Variants in MSI2 observed in about 807,000 individuals in gnomAD.
MSI2 encodes musashi RNA binding protein 2, also known as RNA-binding protein Musashi homolog 2.
In MSI2, 17 loss-of-function variants were observed where a neutral mutation model predicts 45.6. The observed-to-expected ratio is 0.37, with a 90% CI of 0.26 to 0.56. The LOEUF (loss-of-function observed/expected upper bound fraction) is 0.56. MSI2 is among the 20% of genes least tolerant of loss of function. The probability of loss-of-function intolerance (pLI) is 0.77; values close to 1 mark genes in which losing one functional copy is unlikely to be tolerated. For missense variants in MSI2, 293 were observed against 444.2 expected (o/e 0.66, Z 3.06); for synonymous variants, 156 against 158.2 (o/e 0.99, Z 0.11).
chr17:57,309,675 A>G (rs1010133251), intron 5 of MSI2, among the ~76,000 whole-genome samples: 3 of 152,210 alleles, frequency 2.0e-5, no homozygotes, highest in African/African-American at 7.2e-5. Flanking sequence ...TTCTCAGGAA[A>G]GCAGGTGTTA....
chr17:57,562,820 G>A (rs983811930), intron 7 of MSI2, among the ~76,000 whole-genome samples: 8 of 151,914 alleles, frequency 5.3e-5, no homozygotes, highest in African/African-American at 7.3e-5. Flanking sequence ...CGTACAGGCC[G>A]GGTGCGATGG....
At chr17:57,381,155 C>T (rs2083591250) in intron 5 of MSI2, among the ~76,000 whole-genome samples, 2 of 152,078 alleles carry the variant, frequency 1.3e-5, no homozygotes, top group Non-Finnish European at 2.9e-5. Flanking sequence ...GCAGCCTCAA[C>T]CTCCTGAACT....
intron 5 of MSI2, among the ~76,000 whole-genome samples, chr17:57,342,482 G>A (rs531009091): frequency 6.6e-5 from 10 of 152,308 alleles, no homozygotes; most frequent in African/African-American, 1.7e-4. Context: ...GTGTTTTAGC[G>A]AAGACATGAA....
intron 9 of MSI2, among the ~76,000 whole-genome samples, chr17:57,623,005 T>C (rs1174180380): frequency 1.3e-5 from 2 of 152,188 alleles, no homozygotes; most frequent in Non-Finnish European, 2.9e-5. Context: ...GAGTTGTGGC[T>C]TTTGCGAATG....
At chr17:57,653,262 C>T (rs1042738989) in intron 11 of MSI2, among the ~76,000 whole-genome samples, 8 of 152,156 alleles carry the variant, frequency 5.3e-5, no homozygotes, top group Non-Finnish European at 7.3e-5. Context: ...GGCACTGCCT[C>T]GAGCTACAAA....
chr17:57,523,714 A>G (rs1229267675), intron 6 of MSI2: 1 of 152,216 alleles, frequency 6.6e-6, no homozygotes, highest in East Asian at 1.9e-4. Flanking sequence ...TCCATGTGGA[A>G]TGTTCCATGA....
At chr17:57,422,998 G>A (rs376509957) in intron 6 of MSI2, among the ~76,000 whole-genome samples, 3 of 152,210 alleles carry the variant, frequency 2.0e-5, no homozygotes, top group Admixed American at 6.5e-5. Context: ...TACTGGGTGC[G>A]TGTATAGCAG....
intron 6 of MSI2, among the ~76,000 whole-genome samples, chr17:57,415,614 T>C (rs1226265269): frequency 6.6e-6 from 1 of 152,188 alleles, no homozygotes; most frequent in African/African-American, 2.4e-5. Context: ...GGGTATTTAA[T>C]GATAGTCTCC....
chr17:57,468,937 T>C (rs1384704231), intron 6 of MSI2, among the ~76,000 whole-genome samples: 1 of 152,180 alleles, frequency 6.6e-6, no homozygotes, highest in African/African-American at 2.4e-5. Flanking sequence ...TCTGACAGTT[T>C]TTCCTCCCTT....
At chr17:57,537,064 G>T (rs1437701340) in intron 7 of MSI2, among the ~76,000 whole-genome samples, 2 of 152,210 alleles carry the variant, frequency 1.3e-5, no homozygotes, top group Non-Finnish European at 2.9e-5. Context: ...TGCAGCCTTT[G>T]GGTACTTGAA....
At chr17:57,257,322 C>T (rs1277100289) in intron 2 of MSI2, 144 bp from the exon 3 acceptor site, 4 of 587,492 alleles carry the variant, frequency 6.8e-6, no homozygotes, top group African/African-American at 2.0e-5. Flanking sequence ...TGCCGAATTT[C>T]CCCCGCGTGT....
intron 7 of MSI2, among the ~76,000 whole-genome samples, chr17:57,575,496 T>C (rs962379375): frequency 2.0e-5 from 3 of 152,104 alleles, no homozygotes; most frequent in African/African-American, 7.2e-5. Context: ...GCAAATGAGC[T>C]TTTCCAGACA....
intron 6 of MSI2, among the ~76,000 whole-genome samples, chr17:57,403,674 C>T (rs2084032376): frequency 6.6e-6 from 1 of 152,124 alleles, no homozygotes; most frequent in Admixed American, 6.5e-5. Context: ...TGTCTGTCTG[C>T]AGAATGGCTT....
At chr17:57,691,400 G>A in the MSI2 span, among the ~76,000 whole-genome samples, 3 of 152,120 alleles carry the variant, frequency 2.0e-5, no homozygotes, top group African/African-American at 7.2e-5. Context: ...ATTTTTACAA[G>A]ATAATGTGGC....
chr17:57,607,907 A>G (rs1263774383), intron 8 of MSI2, among the ~76,000 whole-genome samples: 1 of 152,160 alleles, frequency 6.6e-6, no homozygotes, highest in Non-Finnish European at 1.5e-5. Context: ...GTAAGAGCTC[A>G]CTCATCACCA....
intron 5 of MSI2, among the ~76,000 whole-genome samples, chr17:57,399,506 C>G (rs532626985): frequency 6.7e-6 from 1 of 149,994 alleles, no homozygotes; most frequent in African/African-American, 2.5e-5. Flanking sequence ...CTGGAGTCTA[C>G]GAGCTCCAAG....
At chr17:57,594,835 G>T (rs1039703740) in intron 7 of MSI2, among the ~76,000 whole-genome samples, 1 of 152,194 alleles carries the variant, frequency 6.6e-6, no homozygotes, top group Non-Finnish European at 1.5e-5. Flanking sequence ...CCCTCCAGCA[G>T]ACACTCATGT....
chr17:57,647,707 C>T (rs537718201), intron 10 of MSI2, among the ~76,000 whole-genome samples: 44 of 151,624 alleles, frequency 2.9e-4, no homozygotes, highest in African/African-American at 9.7e-4. Context: ...TGCAGTGATG[C>T]GATCTTGGCT....
chr17:57,273,748 C>T (rs1303045436), intron 5 of MSI2, among the ~76,000 whole-genome samples: 1 of 152,168 alleles, frequency 6.6e-6, no homozygotes, highest in Non-Finnish European at 1.5e-5. Flanking sequence ...TGCAGCATGA[C>T]CCCAGTGGAT....
Sources: gnomAD v4.1 joint callset for allele counts (sites outside exome capture counted in the v4.1 genomes callset) on GRCh38, gnomAD v4.1.1 for gene constraint, MANE v1.5 for transcripts, NCBI Gene and HGNC (gene_info 2026-07-23, HGNC 2026-07-21) for gene names.